The following PAM variants were observed in gnomAD, a reference collection of about 807,000 sequenced individuals.
PAM encodes the protein peptidyl-glycine alpha-amidating monooxygenase.
PAM carries 72 observed loss-of-function variants against 122.1 expected under a neutral mutation model. The observed-to-expected ratio is 0.59, with a 90% CI of 0.49 to 0.72. PAM has a LOEUF of 0.72. PAM is among the 30% of genes least tolerant of loss of function. The pLI is 0.00. For missense variants in PAM, 1,106 were observed against 1,183.7 expected (o/e 0.93, Z 0.96); for synonymous variants, 389 against 404.4 (o/e 0.96, Z 0.46).
intron 17 of PAM, among the ~76,000 whole-genome samples, chr5:103,003,677 T>C (rs965785249): frequency 1.3e-5 from 2 of 152,154 alleles, no homozygotes; most frequent in African/African-American, 4.8e-5. Flanking sequence ...GTAGTCAAGC[T>C]TGTTACATAT....
intron 1 of PAM, among the ~76,000 whole-genome samples, chr5:102,836,385 A>G (rs1176420506): frequency 6.6e-6 from 1 of 152,086 alleles, no homozygotes; most frequent in Non-Finnish European, 1.5e-5. Flanking sequence ...CTTTTGAAAC[A>G]TTCCTTTTTG....
At chr5:102,903,748 A>G (rs1225819847) in intron 4 of PAM, among the ~76,000 whole-genome samples, 1 of 151,598 alleles carries the variant, frequency 6.6e-6, no homozygotes, top group Non-Finnish European at 1.5e-5. Context: ...GTATTAACCT[A>G]GTCGTACTTC....
intron 1 of PAM, among the ~76,000 whole-genome samples, chr5:102,770,301 A>T (rs1356735762): frequency 6.6e-6 from 1 of 152,098 alleles, no homozygotes; most frequent in African/African-American, 2.4e-5. Context: ...ATAAGGTCAT[A>T]TCATCTGCAA....
At chr5:102,966,448 C>T (rs1233154188) in intron 14 of PAM, among the ~76,000 whole-genome samples, 2 of 152,036 alleles carry the variant, frequency 1.3e-5, no homozygotes, top group African/African-American at 4.8e-5. Context: ...TTTCTGATTG[C>T]TTTTCAATCA....
chr5:102,950,762 C>G lies in PAM; in HGVS notation c.847C>G (p.Leu283Val). The G allele has an allele frequency of 6.2e-7, 1 of 1,612,214 alleles. No individual in the cohort carries two copies. The highest frequency in any genetic ancestry group is 2.2e-5 in the East Asian group (1 of 44,832). Residue 283 changes from leucine (L) to valine (V), a missense_variant, in exon 12 of 26, where the codon CTA becomes GTA. Coordinates refer to ENST00000438793, the MANE Select transcript of PAM (RefSeq NM_001177306.2). Reference protein sequence around the residue: ...GHPVDVSFGDLLAARCVFTGE... With the variant: ...GHPVDVSFGDVLAARCVFTGE... ...TCCAGTTGATGTAAGTTTTGGTGAC[C>G]TACTGGCTGCAAGATGTGTATTCAC...
intron 1 of PAM, among the ~76,000 whole-genome samples, chr5:102,785,160 G>T (rs1403085415): frequency 6.6e-6 from 1 of 152,122 alleles, no homozygotes; most frequent in Admixed American, 6.5e-5. Flanking sequence ...CACTGATTGG[G>T]ACACTAAAAA....
At chr5:102,759,126 A>G (rs913985689) in intron 1 of PAM, among the ~76,000 whole-genome samples, 1 of 152,204 alleles carries the variant, frequency 6.6e-6, no homozygotes. Flanking sequence ...GAAAATTTTT[A>G]AAAAATTATA....
At chr5:102,803,606 T>C (rs1370991743) in intron 1 of PAM, among the ~76,000 whole-genome samples, 1 of 152,172 alleles carries the variant, frequency 6.6e-6, no homozygotes, top group African/African-American at 2.4e-5. Context: ...TGGAATCATT[T>C]TGAGCCTCTG....
chr5:102,809,454 C>T (rs1301898677), intron 1 of PAM, among the ~76,000 whole-genome samples: 7 of 151,684 alleles, frequency 4.6e-5, no homozygotes, highest in Non-Finnish European at 7.4e-5. Context: ...GATAGCTTTG[C>T]AGAGAAAAAG....
At chr5:102,768,379 T>A (rs989861479) in intron 1 of PAM, among the ~76,000 whole-genome samples, 2 of 152,240 alleles carry the variant, frequency 1.3e-5, no homozygotes, top group Middle Eastern at 3.4e-3. Context: ...TATTTTAAAA[T>A]GTATAATTAT....
At chr5:102,789,763 A>G (rs1761562371) in intron 1 of PAM, among the ~76,000 whole-genome samples, 1 of 152,120 alleles carries the variant, frequency 6.6e-6, no homozygotes, top group Non-Finnish European at 1.5e-5. Flanking sequence ...ACTGAACTGT[A>G]TACCTAAAAA....
At chr5:102,868,119 C>A (rs1235567283) in intron 3 of PAM, among the ~76,000 whole-genome samples, 1 of 152,150 alleles carries the variant, frequency 6.6e-6, no homozygotes, top group Non-Finnish European at 1.5e-5. Flanking sequence ...TGCAGCCAGG[C>A]AGTGCAGGGA....
At chr5:102,778,741 A>C (rs565455090) in intron 1 of PAM, among the ~76,000 whole-genome samples, 1 of 152,284 alleles carries the variant, frequency 6.6e-6, no homozygotes, top group South Asian at 2.1e-4. Flanking sequence ...TAGACAAGCA[A>C]CCAAATGAAC....
intron 1 of PAM, among the ~76,000 whole-genome samples, chr5:102,862,273 G>GT (rs150440567): frequency 7.5e-5 from 11 of 147,352 alleles, no homozygotes; most frequent in Non-Finnish European, 1.0e-4. Flanking sequence ...GTAACTATAA[G>GT]TTTTTTTTTC....
intron 16 of PAM, among the ~76,000 whole-genome samples, chr5:103,000,362 A>T (rs1387208455): frequency 6.6e-6 from 1 of 152,192 alleles, no homozygotes; most frequent in Non-Finnish European, 1.5e-5. Flanking sequence ...CATTGTTCAT[A>T]TCACTATCAG....
At chr5:102,805,391 G>A (rs1765955533) in intron 1 of PAM, among the ~76,000 whole-genome samples, 2 of 152,032 alleles carry the variant, frequency 1.3e-5, no homozygotes, top group African/African-American at 2.4e-5. Flanking sequence ...TCTAACTACT[G>A]TTTTCTTTCA....
chr5:102,984,829 G>C (rs1771209993), intron 15 of PAM, among the ~76,000 whole-genome samples: 1 of 151,984 alleles, frequency 6.6e-6, no homozygotes, highest in Non-Finnish European at 1.5e-5. Context: ...CCATGTGTTA[G>C]GCCATAAAAC....
chr5:102,887,645 C>T (rs1477309479), intron 3 of PAM, among the ~76,000 whole-genome samples: 1 of 151,936 alleles, frequency 6.6e-6, no homozygotes, highest in African/African-American at 2.4e-5. Flanking sequence ...AGACTATTTA[C>T]CTCTTTAGTG....
intron 1 of PAM, among the ~76,000 whole-genome samples, chr5:102,765,242 G>A (rs918383847): frequency 2.0e-5 from 3 of 152,146 alleles, no homozygotes; most frequent in Non-Finnish European, 4.4e-5. Flanking sequence ...GGCACCAGTA[G>A]TTGCCCTGCC....
Sources: gnomAD v4.1 joint callset for allele counts (sites outside exome capture counted in the v4.1 genomes callset) on GRCh38, gnomAD v4.1.1 for gene constraint, MANE v1.5 for transcripts, NCBI Gene and HGNC (gene_info 2026-07-23, HGNC 2026-07-21) for gene names.